Variants in UBASH3A observed in about 807,000 individuals in gnomAD.
The protein encoded by UBASH3A is ubiquitin-associated and SH3 domain-containing protein A.
UBASH3A carries 63 observed loss-of-function variants against 73.5 expected under a neutral mutation model. The ratio of observed to expected loss-of-function variants is 0.86; its 90% CI spans 0.70 to 1.06. The LOEUF (loss-of-function observed/expected upper bound fraction) is 1.06, where lower values mean the gene tolerates loss of function less well. UBASH3A is among the 50% of genes least tolerant of loss of function. The pLI is 0.00. For synonymous variants in UBASH3A, 363 were observed against 351.1 expected (o/e 1.03, Z -0.38); for missense variants, 860 against 859.0 (o/e 1.00, Z -0.02).
At chr21:42,405,470 G>A (rs2052950398) in intron 1 of UBASH3A, among the ~76,000 whole-genome samples, 1 of 152,186 alleles carries the variant, frequency 6.6e-6, no homozygotes, top group South Asian at 2.1e-4. Context: ...CATGTTGGAG[G>A]AAGAGAAATG....
At chr21:42,407,793 A>G (rs1360473613) in intron 2 of UBASH3A, among the ~76,000 whole-genome samples, 1 of 152,252 alleles carries the variant, frequency 6.6e-6, no homozygotes, top group East Asian at 1.9e-4. Flanking sequence ...CTAAAGAGAC[A>G]TGTACAAAGA....
chr21:42,423,832 T>C (rs993854141), intron 7 of UBASH3A, among the ~76,000 whole-genome samples: 3 of 152,168 alleles, frequency 2.0e-5, no homozygotes, highest in South Asian at 2.1e-4. Context: ...TGCTGTGGGT[T>C]GTCTGATTGG....
At chr21:42,443,238 A>G in intron 12 of UBASH3A, 74 bp from the exon 13 acceptor site, 1 of 1,495,676 alleles carries the variant, frequency 6.7e-7, no homozygotes, top group South Asian at 1.4e-5. Flanking sequence ...CTCCTTCCCC[A>G]GCTAACTGCA....
chr21:42,416,410 C>T (rs777399920), intron 5 of UBASH3A, 32 bp from the exon 6 acceptor site: 7 of 1,527,922 alleles, frequency 4.6e-6, no homozygotes, highest in Non-Finnish European at 6.2e-6. Context: ...TAACGGTGTC[C>T]TGGCACCCTC....
chr21:42,414,726 G>A (rs753681477), intron 5 of UBASH3A, among the ~76,000 whole-genome samples: 1 of 152,322 alleles, frequency 6.6e-6, no homozygotes, highest in Non-Finnish European at 1.5e-5. Flanking sequence ...ACTGGAAGAA[G>A]CCAGGAAGGA....
At chr21:42,409,817 T>A (rs1392524845) in intron 3 of UBASH3A, among the ~76,000 whole-genome samples, 1 of 152,202 alleles carries the variant, frequency 6.6e-6, no homozygotes, top group Non-Finnish European at 1.5e-5. Context: ...CCAACTCATT[T>A]ATCCTCTCCC....
chr21:42,432,039 T>G, intron 8 of UBASH3A, 64 bp from the exon 9 acceptor site: 1 of 975,984 alleles, frequency 1.0e-6, no homozygotes, highest in Non-Finnish European at 1.6e-6. Context: ...GAGCTGCCAT[T>G]GGTGCAAGTC....
chr21:42,427,036 T>C (rs970524280), intron 8 of UBASH3A, among the ~76,000 whole-genome samples: 6 of 152,078 alleles, frequency 3.9e-5, no homozygotes, highest in African/African-American at 1.4e-4. Flanking sequence ...AGCCACCCCT[T>C]CATGGCAGAG....
At position 42,413,764 on chromosome 21, in the gene UBASH3A, G is replaced by A. The variant is rs1366233766; in HGVS notation, c.667+241G>A. On this transcript the variant is annotated intron_variant, in intron 5 of 14. Transcript: ENST00000319294. The surrounding 1 kb of genome is among the most constrained non-coding windows in gnomAD (Gnocchi z 4.5). ...TGAGTGGGAGACACACAAGTCCTAC[G>A]TGACTTATTTCTGTATTTTCAGTAT... Among the ~76,000 whole-genome samples the A allele has an allele frequency of 6.6e-6, 1 of 152,114 alleles. No individual in the cohort carries two copies. The highest frequency in any genetic ancestry group is 2.4e-5 in the African/African-American group (1 of 41,434).
intron 3 of UBASH3A, chr21:42,410,398 G>A (rs1454043986): frequency 3.6e-6 from 2 of 549,930 alleles, no homozygotes; most frequent in Non-Finnish European, 3.2e-6. Flanking sequence ...ATTCCATCAG[G>A]GCCCAAGGAA....
chr21:42,408,723 C>T (rs1442806598), intron 2 of UBASH3A, among the ~76,000 whole-genome samples: 2 of 151,656 alleles, frequency 1.3e-5, no homozygotes, highest in Non-Finnish European at 1.5e-5. Context: ...TTGGGTCATC[C>T]GTCGTTTTTC....
chr21:42,415,351 C>T (rs559740477), intron 5 of UBASH3A, among the ~76,000 whole-genome samples: 2 of 152,294 alleles, frequency 1.3e-5, no homozygotes, highest in Admixed American at 6.5e-5. Flanking sequence ...TGCTGCTCCC[C>T]ACCACCTACA....
At chr21:42,428,169 A>C (rs2053472031) in intron 8 of UBASH3A, among the ~76,000 whole-genome samples, 1 of 152,126 alleles carries the variant, frequency 6.6e-6, no homozygotes, top group Non-Finnish European at 1.5e-5. Flanking sequence ...TGGCAACACC[A>C]TCATCTCTGA....
chr21:42,414,289 T>TGGCA (rs1410641123), intron 5 of UBASH3A, among the ~76,000 whole-genome samples: 3 of 152,222 alleles, frequency 2.0e-5, no homozygotes, highest in Non-Finnish European at 2.9e-5. Flanking sequence ...TCCACTTGGA[T>TGGCA]GGCAGCTTGT....
At chr21:42,438,298 G>C (rs2075131779) in intron 11 of UBASH3A, among the ~76,000 whole-genome samples, 1 of 152,166 alleles carries the variant, frequency 6.6e-6, no homozygotes, top group South Asian at 2.1e-4. Context: ...TGGGGGACAG[G>C]GCTTGCCTCG....
chr21:42,447,218 C>A lies in UBASH3A; in HGVS notation c.*24C>A. 1 of 1,609,268 alleles carries A rather than the reference C, an allele frequency of 6.2e-7. No individual in the cohort carries two copies. The highest frequency in any genetic ancestry group is 8.5e-7 in the Non-Finnish European group (1 of 1,178,144). On this transcript the variant is annotated 3_prime_UTR_variant, in exon 15 of 15. Coordinates refer to ENST00000319294, the MANE Select transcript of UBASH3A (RefSeq NM_018961.4). ...GAGAGCCACGGTGATGTTGTCATAA[C>A]CTCAGAGTGGAGAGGCAGAAACCAT...
intron 3 of UBASH3A, chr21:42,410,287 T>G: frequency 1.6e-6 from 1 of 641,200 alleles, no homozygotes; most frequent in Non-Finnish European, 2.8e-6. Flanking sequence ...TCTACTCAGC[T>G]CCGCCAGAGG....
intron 7 of UBASH3A, among the ~76,000 whole-genome samples, chr21:42,419,230 G>A (rs2053287063): frequency 6.6e-6 from 1 of 152,176 alleles, no homozygotes; most frequent in Non-Finnish European, 1.5e-5. Flanking sequence ...ATCAGCTGAA[G>A]AATCTCTTAA....
At chr21:42,427,298 G>A (rs1462581498) in intron 8 of UBASH3A, among the ~76,000 whole-genome samples, 1 of 152,168 alleles carries the variant, frequency 6.6e-6, no homozygotes, top group Non-Finnish European at 1.5e-5. Flanking sequence ...ACACCAAGGA[G>A]CAGGCAGCCC....
Sources: gnomAD v4.1 joint callset for allele counts (sites outside exome capture counted in the v4.1 genomes callset) on GRCh38, gnomAD v4.1.1 for gene constraint, Gnocchi (gnomAD v3.1) non-coding constraint, MANE v1.5 for transcripts, NCBI Gene and HGNC (gene_info 2026-07-23, HGNC 2026-07-21) for gene names.